Variants in GLE1 observed in about 807,000 individuals in gnomAD.
The protein encoded by GLE1 is mRNA export factor GLE1.
A neutral mutation model predicts 97.3 loss-of-function variants in GLE1; 78 were observed. The ratio of observed to expected loss-of-function variants is 0.80; its 90% CI spans 0.67 to 0.97. The LOEUF is 0.97. GLE1 is among the 50% of genes least tolerant of loss of function. The pLI, the probability that GLE1 is intolerant of heterozygous loss-of-function variation, is 0.00. For missense variants in GLE1, 753 were observed against 857.5 expected (o/e 0.88, Z 1.52); for synonymous variants, 302 against 313.4 (o/e 0.96, Z 0.39).
intron 3 of GLE1, among the ~76,000 whole-genome samples, chr9:128,518,480 G>A (rs538593363): frequency 9.7e-4 from 147 of 152,192 alleles, no homozygotes; most frequent in Admixed American, 2.8e-3. Context: ...ACAATCACTC[G>A]AACCTGGGAG....
chr9:128,527,058 C>T (rs74984369), intron 7 of GLE1, 121 bp from the exon 8 acceptor site: 23,628 of 704,756 alleles, frequency 0.034, 514 homozygotes, highest in Middle Eastern at 0.058. Flanking sequence ...GTATCTATTT[C>T]ATAGTTATGG....
At chr9:128,527,346 G>T in intron 8 of GLE1, 55 bp downstream of exon 8, 2 of 1,283,436 alleles carry the variant, frequency 1.6e-6, no homozygotes, top group Non-Finnish European at 2.3e-6. Context: ...CTCAGAGAAT[G>T]ATCACTTCGT....
At chr9:128,528,003 C>CTTTTTTTTT (rs754132202) in intron 9 of GLE1, among the ~76,000 whole-genome samples, 2 of 111,404 alleles carry the variant, frequency 1.8e-5, no homozygotes, top group African/African-American at 7.0e-5. Context: ...TTCTTTTTTT[C>CTTTTTTTTT]TTTTTTTTTT....
rs1186585505 is a variant in GLE1, at chr9:128,535,944, C to A, written c.1647-411C>A. On this transcript the variant is annotated intron_variant, in intron 11 of 15. Coordinates refer to ENST00000309971, the MANE Select transcript of GLE1 (RefSeq NM_001003722.2). ...TGAGCCTTGATCATACCACTGTACT[C>A]CAGCCTGGGTGACAGAGACTCTGTT... Among the ~76,000 whole-genome samples, 8 of 127,016 alleles carry A rather than the reference C, an allele frequency of 6.3e-5. No homozygotes were observed. The South Asian group carries it at 1.7e-3, about 27-fold the overall frequency. The allele number at this position is 127,016 out of a possible 152,430, so 83.3% of individuals were successfully genotyped here.
chr9:128,523,755 A>G lies in GLE1; in HGVS notation c.806A>G (p.Lys269Arg). 6.2e-7 allele frequency: 1 copy of G among 1,613,994 alleles called. No individual in the cohort carries two copies. The highest frequency in any genetic ancestry group is 8.5e-7 in the Non-Finnish European group (1 of 1,179,958). ...SQQLDASEQH[K>R]ALLKVDLAAF... The stretch of plus-strand genomic sequence containing the variant: ...CAGCTGGATGCCTCTGAGCAGCACA[A>G]AGCCCTGCTTAAGGTCGACCTGGCT... The change falls in exon 6 of 16, where the codon AAA becomes AGA. Residue 269 changes from lysine to arginine, a missense_variant. Transcript: ENST00000309971.
intron 1 of GLE1, among the ~76,000 whole-genome samples, chr9:128,505,327 T>C (rs1846609662): frequency 6.6e-6 from 1 of 152,120 alleles, no homozygotes; most frequent in Admixed American, 6.6e-5. Context: ...TTGGCAGACC[T>C]GGAAAGTGAA....
In GLE1 at chr9:128,523,675, G is replaced by C. The variant is rs767121692; in HGVS notation, c.726G>C (p.Gln242His). The C allele has an allele frequency of 3.7e-6, 6 of 1,614,170 alleles. No homozygotes were observed. The South Asian group carries it at 4.4e-5, about 12-fold the overall frequency. The change falls in exon 6 of 16, where the codon CAG becomes CAC. Residue 242 changes from glutamine (Q) to histidine (H), a missense_variant. Transcript: ENST00000309971. ...AGCGGCTTCGGAAGGAAGAAGGCCA[G>C]ATCCGCCTGCGGGCCCTCTATGCTC... ...EQERLRKEEG[Q>H]IRLRALYALQ...
At chr9:128,518,730 T>C (rs1159816142) in intron 3 of GLE1, among the ~76,000 whole-genome samples, 1 of 151,902 alleles carries the variant, frequency 6.6e-6, no homozygotes. Flanking sequence ...TAGCCAGGCA[T>C]GGTGGCAGGC....
intron 3 of GLE1, among the ~76,000 whole-genome samples, chr9:128,519,427 A>G (rs1367797454): frequency 2.6e-5 from 4 of 152,222 alleles, no homozygotes; most frequent in African/African-American, 9.6e-5. Flanking sequence ...GGGTAGGTCT[A>G]TAGATGGCCC....
In GLE1 at chr9:128,534,964, G is replaced by A. The variant is rs530240403; in HGVS notation, c.1646+1013G>A. Among the ~76,000 whole-genome samples, 19 of 151,760 alleles carry A rather than the reference G, an allele frequency of 1.3e-4. No individual in the cohort carries two copies. In the East Asian group the frequency reaches 2.5e-3, roughly 20 times the overall value. On this transcript the variant is annotated intron_variant, in intron 11 of 15. Coordinates refer to ENST00000309971, the MANE Select transcript of GLE1 (RefSeq NM_001003722.2). ...GATCTCTTGACCTTGTGATCTGCCCGCCTTGGCCTCCCAAAGTGCTGGGAT... is the reference window on the plus strand; with the variant it reads ...GATCTCTTGACCTTGTGATCTGCCCACCTTGGCCTCCCAAAGTGCTGGGAT...
chr9:128,533,328 G>A (rs1359178795), intron 9 of GLE1, among the ~76,000 whole-genome samples, 185 bp from the exon 10 acceptor site: 4 of 149,650 alleles, frequency 2.7e-5, no homozygotes, highest in African/African-American at 4.9e-5. Context: ...CTACTCAGGA[G>A]GCTGAGGCAG....
Position 128,541,088 on chromosome 9 carries a change from CT to C in GLE1, c.2029-11del. On this transcript the variant is annotated splice_polypyrimidine_tract_variant and intron_variant, in intron 15 of 15. Coordinates refer to ENST00000309971, the MANE Select transcript of GLE1 (RefSeq NM_001003722.2). Reference sequence around the variant, plus strand: ...CAGAAACTCATTCTGTTTTCTTCATCTTTCCCTGACCAGAAATGTTTGCAAC... The same window carrying C: ...CAGAAACTCATTCTGTTTTCTTCATCTTCCCTGACCAGAAATGTTTGCAAC... 6.8e-7 allele frequency: 1 copy of C among 1,477,948 alleles called. No individual in the cohort carries two copies. Among genetic ancestry groups the C allele is most frequent in the Non-Finnish European group, 9.5e-7 (1 of 1,055,620 alleles). The allele number at this position is 1,477,948 out of a possible 1,614,324, so 91.6% of individuals were successfully genotyped here.
intron 14 of GLE1, 104 bp from the exon 15 acceptor site, chr9:128,540,171 G>A (rs1847843481): frequency 8.7e-6 from 7 of 807,684 alleles, no homozygotes; most frequent in Non-Finnish European, 1.5e-5. Context: ...AGCTATGATC[G>A]CACCACCGCG....
In GLE1 at chr9:128,515,612, C is replaced by A. The variant is rs377567854; in HGVS notation, c.405C>A (p.Tyr135Ter). Reference sequence around the variant, plus strand: ...AAGTGGAAGGCTGCGTCCGAATGTACGAACTGGTACACAGAATGAAAGGAA... The same window carrying A: ...AAGTGGAAGGCTGCGTCCGAATGTAAGAACTGGTACACAGAATGAAAGGAA... ...GIKVEGCVRM[Y>*]ELVHRMKGTE... Residue 135 changes from tyrosine (Y) to a stop codon, truncating the protein, a stop_gained, in exon 3 of 16, where the codon TAC becomes TAA. Transcript: ENST00000309971. LOFTEE classifies it high-confidence loss of function. The A allele has an allele frequency of 6.3e-7, 1 of 1,590,084 alleles. No homozygotes were observed. The highest frequency in any genetic ancestry group is 8.6e-7 in the Non-Finnish European group (1 of 1,158,202).
At chr9:128,520,376 A>G (rs530775827) in intron 3 of GLE1, among the ~76,000 whole-genome samples, 421 of 144,622 alleles carry the variant, frequency 2.9e-3, no homozygotes, top group African/African-American at 9.3e-3. Flanking sequence ...ATATGTATAT[A>G]TGTATATGTG....
In GLE1 at chr9:128,540,462, CTTT is replaced by C. The variant is rs1210200437; in HGVS notation, c.2028+127_2028+129del. The C allele has an allele frequency of 1.4e-5, 10 of 722,074 alleles. No individual in the cohort carries two copies. In the East Asian group the frequency reaches 2.4e-4, roughly 17 times the overall value. 44.7% of individuals were successfully genotyped at this position (722,074 alleles called of 1,614,324 possible). Reference sequence around the variant, plus strand: ...TCTTCCTTAGTTCTTCCAAACCCTTCTTTTTGTTCCTAATTCCCTCTTAACCTT... The same window carrying C: ...TCTTCCTTAGTTCTTCCAAACCCTTCTTGTTCCTAATTCCCTCTTAACCTT... On this transcript the variant is annotated intron_variant, in intron 15 of 15. Coordinates refer to ENST00000309971, the MANE Select transcript of GLE1 (RefSeq NM_001003722.2).
rs1847849909 is a variant in GLE1 at position 128,540,340 on chromosome 9, TA to T, written c.2028+4del. ...ATACGCCTCAAGCAGTTCTTGGAGG[TA>T]AGATGCCCTTAGACCAACATGCCCC... is the stretch of plus-strand genomic sequence containing the variant. On this transcript the variant is annotated splice_donor_region_variant and intron_variant, in intron 15 of 15. Coordinates refer to ENST00000309971, the MANE Select transcript of GLE1 (RefSeq NM_001003722.2). 6.3e-7 allele frequency: 1 copy of T among 1,595,308 alleles called. No individual in the cohort carries two copies. The highest frequency in any genetic ancestry group is 8.6e-7 in the Non-Finnish European group (1 of 1,162,992).
At chr9:128,531,419 C>T (rs1017354057) in intron 9 of GLE1, among the ~76,000 whole-genome samples, 20 of 150,456 alleles carry the variant, frequency 1.3e-4, no homozygotes, top group African/African-American at 3.4e-4. Flanking sequence ...CCCAGCTACT[C>T]GGGAGGCTGA....
chr9:128,540,816 C>A (rs1257517406), intron 15 of GLE1: 2 of 459,780 alleles, frequency 4.3e-6, no homozygotes, highest in South Asian at 4.8e-5. Context: ...GACTTTTCAG[C>A]TTCTCAAAGC....
Sources: gnomAD v4.1 joint callset for allele counts (sites outside exome capture counted in the v4.1 genomes callset) on GRCh38, gnomAD v4.1.1 for gene constraint, MANE v1.5 for transcripts, NCBI Gene and HGNC (gene_info 2026-07-23, HGNC 2026-07-21) for gene names.